The following VIPR2 variants were observed in gnomAD, a reference collection of about 807,000 sequenced individuals.
The protein encoded by VIPR2 is vasoactive intestinal polypeptide receptor 2.
A neutral mutation model predicts 58.0 loss-of-function variants in VIPR2; 48 were observed. That is an observed-to-expected ratio of 0.83 (90% CI 0.66 to 1.05). VIPR2 has a LOEUF of 1.05. Ranked by LOEUF, VIPR2 falls within the 50% of genes least tolerant of loss-of-function variation. The pLI is 0.00. For missense variants in VIPR2, 534 were observed against 558.0 expected, an observed-to-expected ratio of 0.96 and a Z score of 0.43; for synonymous variants, 243 against 235.2, an observed-to-expected ratio of 1.03 and a Z score of -0.30.
At chr7:159,082,202 C>G (rs1856940457) in intron 4 of VIPR2, among the ~76,000 whole-genome samples, 1 of 152,170 alleles carries the variant, frequency 6.6e-6, no homozygotes, top group South Asian at 2.1e-4. Context: ...ATAGCAAAGA[C>G]TTGGAACTAA....
intron 2 of VIPR2, among the ~76,000 whole-genome samples, chr7:159,117,990 A>C (rs564544705): frequency 5.9e-4 from 90 of 152,350 alleles, no homozygotes; most frequent in Non-Finnish European, 4.4e-5. Context: ...TTATGTCTCA[A>C]GTGACAACAA....
chr7:159,122,878 C>A (rs923014691), intron 2 of VIPR2, among the ~76,000 whole-genome samples: 14 of 152,074 alleles, frequency 9.2e-5, no homozygotes, highest in African/African-American at 3.4e-4. Context: ...GGTACATGTG[C>A]AGATTTGTTA....
intron 4 of VIPR2, among the ~76,000 whole-genome samples, chr7:159,064,212 G>C (rs1855945842): frequency 6.6e-6 from 1 of 152,088 alleles, no homozygotes; most frequent in Admixed American, 6.5e-5. Flanking sequence ...CACGCGCCGG[G>C]CCAGGAGGGC....
At chr7:159,037,115 AGAG>A (rs1854017481) in intron 6 of VIPR2, among the ~76,000 whole-genome samples, 1 of 152,350 alleles carries the variant, frequency 6.6e-6, no homozygotes, top group Admixed American at 6.5e-5. Context: ...CCGCGGCTCC[AGAG>A]GAGGATCACT....
chr7:159,040,672 T>G (rs1206707990), intron 6 of VIPR2, among the ~76,000 whole-genome samples: 1 of 152,190 alleles, frequency 6.6e-6, no homozygotes, highest in Admixed American at 6.5e-5. Flanking sequence ...GAGAATAACC[T>G]TGGTTTGGTG....
chr7:159,066,027 C>T (rs1293815298), intron 4 of VIPR2, among the ~76,000 whole-genome samples: 2 of 152,248 alleles, frequency 1.3e-5, no homozygotes, highest in African/African-American at 4.8e-5. Context: ...GGCCTGCTCC[C>T]GCACTGTCCA....
At chr7:159,118,306 T>G (rs1334872478) in intron 2 of VIPR2, among the ~76,000 whole-genome samples, 1 of 152,204 alleles carries the variant, frequency 6.6e-6, no homozygotes. Context: ...GGAAAAGACC[T>G]GCAGGAGGAA....
At chr7:159,139,345 C>T (rs1045827640) in intron 2 of VIPR2, among the ~76,000 whole-genome samples, 1 of 152,176 alleles carries the variant, frequency 6.6e-6, no homozygotes, top group African/African-American at 2.4e-5. Flanking sequence ...CGGAGGGGGC[C>T]GCTCCCACTG....
intron 5 of VIPR2, among the ~76,000 whole-genome samples, chr7:159,056,060 C>T (rs1336481248): frequency 6.6e-6 from 1 of 152,216 alleles, no homozygotes; most frequent in African/African-American, 2.4e-5. Flanking sequence ...GCTCAGCAAC[C>T]CTGCAATGTC....
chr7:159,034,649 A>C lies in VIPR2; in HGVS notation c.811T>G (p.Cys271Gly). Residue 271 changes from cysteine to glycine, a missense_variant and splice_region_variant, in exon 9 of 13, where the codon TGC becomes GGC. Around this residue, in one of 3 missense-constraint regions of VIPR2, gnomAD observed 306 missense variants for 285.8 expected, o/e 1.07. Coordinates refer to ENST00000262178, the MANE Select transcript of VIPR2 (RefSeq NM_003382.5). ...ACACTGTGGTCGTTTGTATCCCAGC[A>C]ACTGTCAGAGAGAGATGGGAAATCA... ...AARLYLEDTG[C>G]WDTNDHSVPW... The C allele has an allele frequency of 1.2e-6, 2 of 1,613,688 alleles. No individual in the cohort carries two copies. The highest frequency in any genetic ancestry group is 1.7e-6 in the Non-Finnish European group (2 of 1,179,680).
intron 6 of VIPR2, among the ~76,000 whole-genome samples, chr7:159,038,348 C>T (rs868743091): frequency 1.6e-4 from 25 of 152,234 alleles, no homozygotes; most frequent in Admixed American, 4.6e-4. Context: ...TGAGAGTTAC[C>T]CTTATTGTCC....
intron 5 of VIPR2, among the ~76,000 whole-genome samples, chr7:159,053,142 G>T (rs527393679): frequency 2.1e-4 from 32 of 152,008 alleles, no homozygotes; most frequent in East Asian, 3.9e-4. Flanking sequence ...CTAAGACAGG[G>T]TGTCTCACTC....
chr7:159,057,031 T>C (rs981347173), intron 5 of VIPR2, among the ~76,000 whole-genome samples: 1 of 152,234 alleles, frequency 6.6e-6, no homozygotes, highest in Non-Finnish European at 1.5e-5. Flanking sequence ...TCAGTGTTCA[T>C]AGGCGGGATA....
At chr7:159,141,996 G>C (rs1211772366) in intron 2 of VIPR2, among the ~76,000 whole-genome samples, 1 of 152,154 alleles carries the variant, frequency 6.6e-6, no homozygotes, top group South Asian at 2.1e-4. Context: ...CCGCAGGCCC[G>C]TCTTCAGCAC....
chr7:159,090,588 C>T (rs1353363487), intron 4 of VIPR2, among the ~76,000 whole-genome samples: 9 of 124,482 alleles, frequency 7.2e-5, no homozygotes, highest in Non-Finnish European at 1.3e-4. Context: ...TCACAATCCC[C>T]GGTGACCTCA....
intron 2 of VIPR2, among the ~76,000 whole-genome samples, chr7:159,121,672 A>G (rs902948925): frequency 2.6e-5 from 4 of 152,180 alleles, no homozygotes; most frequent in African/African-American, 4.8e-5. Context: ...ATAATATTCC[A>G]CAGTACAATC....
At chr7:159,051,008 T>C (rs1317742598) in intron 5 of VIPR2, among the ~76,000 whole-genome samples, 1 of 152,164 alleles carries the variant, frequency 6.6e-6, no homozygotes, top group Non-Finnish European at 1.5e-5. Flanking sequence ...CTCTCCAAAA[T>C]AGCCTCAAAA....
intron 2 of VIPR2, among the ~76,000 whole-genome samples, chr7:159,141,322 T>C (rs1195507406): frequency 6.6e-6 from 1 of 152,268 alleles, no homozygotes; most frequent in Non-Finnish European, 1.5e-5. Context: ...CACCGCGGAA[T>C]CGCAGATCTT....
intron 9 of VIPR2, 75 bp from the exon 10 acceptor site, chr7:159,034,379 C>A: frequency 6.8e-7 from 1 of 1,474,408 alleles, no homozygotes; most frequent in Non-Finnish European, 9.3e-7. Context: ...CTGATTTCGA[C>A]CCTCCCCTCC....
Sources: gnomAD v4.1 joint callset for allele counts (sites outside exome capture counted in the v4.1 genomes callset) on GRCh38, gnomAD v4.1.1 for gene constraint, gnomAD v4.1.1 regional missense constraint, MANE v1.5 for transcripts, NCBI Gene and HGNC (gene_info 2026-07-23, HGNC 2026-07-21) for gene names.